The following FGF13 variants were observed in gnomAD, a reference collection of about 807,000 sequenced individuals.
FGF13 encodes the protein fibroblast growth factor homologous factor 2.
In FGF13, 2 loss-of-function variants were observed where a neutral mutation model predicts 19.5. The observed-to-expected ratio is 0.10, with a 90% confidence interval of 0.04 to 0.32. The LOEUF is 0.32. Among genes scored for constraint, FGF13 ranks in the 10% least tolerant of loss-of-function variants. FGF13 has a pLI of 1.00. For missense variants in FGF13, 113 were observed against 192.7 expected, an observed-to-expected ratio of 0.59 and a Z score of 2.45; for synonymous variants, 72 against 76.9, an observed-to-expected ratio of 0.94 and a Z score of 0.33.
chrX:139,112,889 G>T (rs900682833), intron 1 of FGF13, among the ~76,000 whole-genome samples: 3 of 110,272 alleles, frequency 2.7e-5, no homozygotes, highest in African/African-American at 9.9e-5. Context: ...CATTCCATTA[G>T]AATGCATCTC....
chrX:138,744,964 A>G (rs1461185663), intron 3 of FGF13, among the ~76,000 whole-genome samples: 2 of 112,075 alleles, frequency 1.8e-5, no homozygotes, highest in Non-Finnish European at 3.8e-5. Flanking sequence ...CATAAGAAAC[A>G]AATCTAAACA....
At chrX:139,112,990 G>A (rs1187106251) in intron 1 of FGF13, among the ~76,000 whole-genome samples, 1 of 107,799 alleles carries the variant, frequency 9.3e-6, no homozygotes, top group African/African-American at 3.4e-5. Flanking sequence ...GTGTGTGTGT[G>A]TGTGTGTGTG....
intron 3 of FGF13, among the ~76,000 whole-genome samples, chrX:138,690,121 T>TG (rs1217934084): frequency 1.8e-5 from 2 of 111,665 alleles, no homozygotes; most frequent in Non-Finnish European, 3.8e-5. Flanking sequence ...TTGCTTCTAG[T>TG]GTTAACCACC....
intron 3 of FGF13, among the ~76,000 whole-genome samples, chrX:138,773,900 G>C (rs2090567169): frequency 9.0e-6 from 1 of 111,372 alleles, no homozygotes; most frequent in Admixed American, 9.5e-5. Context: ...AGCCAACCGA[G>C]AACAGGTTTT....
chrX:139,021,154 A>G (rs906705073), intron 1 of FGF13, among the ~76,000 whole-genome samples: 4 of 111,486 alleles, frequency 3.6e-5, no homozygotes, highest in Admixed American at 1.9e-4. Flanking sequence ...TGTATAAATA[A>G]AAGAAGCCAA....
At chrX:138,846,483 T>C (rs2091184617) in intron 3 of FGF13, among the ~76,000 whole-genome samples, 1 of 111,751 alleles carries the variant, frequency 8.9e-6, no homozygotes, top group Admixed American at 9.5e-5. Flanking sequence ...GGATGTGTCA[T>C]TTCCTCGAGT....
chrX:139,020,144 CA>C (rs1260346128), intron 1 of FGF13, among the ~76,000 whole-genome samples: 2 of 111,200 alleles, frequency 1.8e-5, no homozygotes, highest in African/African-American at 3.3e-5. Flanking sequence ...ATAAGAAGGA[CA>C]AAAAATGATG....
chrX:138,782,336 G>A (rs1198296786), intron 3 of FGF13, among the ~76,000 whole-genome samples: 1 of 111,816 alleles, frequency 8.9e-6, no homozygotes, highest in Non-Finnish European at 1.9e-5. Flanking sequence ...AGGAAATAAA[G>A]GGTATTCAAT....
intron 1 of FGF13, among the ~76,000 whole-genome samples, chrX:139,106,395 T>C (rs1487390022): frequency 1.8e-5 from 2 of 112,867 alleles, no homozygotes; most frequent in Middle Eastern, 4.6e-3. Context: ...TTCTGCATAG[T>C]TTTGTTCCAT....
At chrX:139,057,099 C>T (rs2092322441) in intron 1 of FGF13, among the ~76,000 whole-genome samples, 1 of 111,467 alleles carries the variant, frequency 9.0e-6, no homozygotes, top group African/African-American at 3.3e-5. Flanking sequence ...TAGATGACCT[C>T]TAATGCCCTC....
chrX:138,693,491 G>C (rs1176322434), intron 3 of FGF13, among the ~76,000 whole-genome samples: 1 of 110,838 alleles, frequency 9.0e-6, no homozygotes, highest in African/African-American at 3.3e-5. Flanking sequence ...TCCATTTCTA[G>C]TGATAGCATT....
At chrX:138,891,013 C>T (rs139554817) in intron 1 of FGF13, among the ~76,000 whole-genome samples, 4,825 of 111,933 alleles carry the variant, frequency 0.043, 274 homozygotes, top group African/African-American at 0.15. Flanking sequence ...CATTTGTGGC[C>T]GGGAGCGGTG....
chrX:139,176,123 G>A (rs779297929), intron 1 of FGF13, among the ~76,000 whole-genome samples: 18 of 111,667 alleles, frequency 1.6e-4, no homozygotes, highest in Non-Finnish European at 2.8e-4. Context: ...TCTAGGTTTA[G>A]TCTTGGGAAT....
At chrX:139,185,957 C>T (rs1179202227) in intron 1 of FGF13, among the ~76,000 whole-genome samples, 1 of 111,514 alleles carries the variant, frequency 9.0e-6, no homozygotes, top group Admixed American at 9.6e-5. Context: ...TTATATCACA[C>T]ACAATCTATG....
intron 1 of FGF13, among the ~76,000 whole-genome samples, chrX:139,101,217 C>T (rs1290595603): frequency 2.7e-5 from 3 of 112,153 alleles, no homozygotes; most frequent in Non-Finnish European, 5.6e-5. Context: ...GTACCAAAGG[C>T]CATACTCTCC....
At chrX:139,061,769 A>C (rs142803527) in intron 1 of FGF13, among the ~76,000 whole-genome samples, 1 of 110,749 alleles carries the variant, frequency 9.0e-6, no homozygotes, top group Admixed American at 9.7e-5. Context: ...AGTAAAGGGT[A>C]TGAAGTGGTA....
chrX:139,039,334 G>A lies in FGF13; in HGVS notation c.-113+164082C>T, dbSNP rs754873520. On this transcript the variant is annotated intron_variant, in intron 1 of 2. Coordinates refer to the FGF13 transcript ENST00000421460. ...AAGTTCAGTTGAGCCTGAAGGCAAA[G>A]CCCTTTCCTTTGCATCAAGATTTTC... Among the ~76,000 whole-genome samples, 5 of 112,032 alleles carry A rather than the reference G, an allele frequency of 4.5e-5. No homozygotes were observed. In the East Asian group the frequency reaches 1.4e-3, roughly 32 times the overall value.
At chrX:139,143,911 G>C (rs2083866497) in intron 1 of FGF13, among the ~76,000 whole-genome samples, 1 of 111,274 alleles carries the variant, frequency 9.0e-6, no homozygotes, top group African/African-American at 3.3e-5. Context: ...TATGGTTCCA[G>C]GCCCAAATGA....
chrX:139,083,219 G>A (rs1215460357), intron 1 of FGF13, among the ~76,000 whole-genome samples: 7 of 109,194 alleles, frequency 6.4e-5, no homozygotes, highest in African/African-American at 2.3e-4. Context: ...TTTTTCTCCC[G>A]TCTCATATTC....
Sources: allele counts gnomAD v4.1 joint callset (sites outside exome capture counted in the v4.1 genomes callset), GRCh38; gene constraint gnomAD v4.1.1; transcripts MANE v1.5; gene names NCBI Gene and HGNC (gene_info 2026-07-23, HGNC 2026-07-21).